Variants in PAQR6 observed in about 807,000 individuals in gnomAD.
PAQR6 encodes the protein progestin and adipoQ receptor family member 6, also known as membrane progestin receptor delta.
PAQR6 carries 34 observed loss-of-function variants against 36.2 expected under a neutral mutation model. The ratio of observed to expected loss-of-function variants is 0.94; its 90% confidence interval spans 0.71 to 1.25. PAQR6 has a LOEUF of 1.25. Among genes scored for constraint, PAQR6 ranks in the 50% most tolerant of loss-of-function variants. The probability of loss-of-function intolerance (pLI) is 0.00; values close to 1 mark genes in which losing one functional copy is unlikely to be tolerated. For synonymous variants in PAQR6, 190 were observed against 190.7 expected, an observed-to-expected ratio of 1.00 and a Z score of 0.03; for missense variants, 431 against 445.7, an observed-to-expected ratio of 0.97 and a Z score of 0.30.
intron 5 of PAQR6, 125 bp downstream of exon 5, chr1:156,245,410 G>A: frequency 6.8e-7 from 1 of 1,460,726 alleles, no homozygotes; most frequent in Admixed American, 1.8e-5. Context: ...GGGGATAAAG[G>A]GTCTGACAGA....
At position 156,245,672 on chromosome 1, in the gene PAQR6, G is replaced by T; in HGVS notation, c.386-11C>A. 1 of 1,611,232 alleles carries T rather than the reference G, an allele frequency of 6.2e-7. No individual in the cohort carries two copies. Reference sequence around the variant, plus strand: ...AGGGGAAGGCGCAGCCTGCGGTGAGGTGGGGGCGTGCAGCTGAGGCCTGAG... The same window carrying T: ...AGGGGAAGGCGCAGCCTGCGGTGAGTTGGGGGCGTGCAGCTGAGGCCTGAG... On this transcript the variant is annotated splice_polypyrimidine_tract_variant and intron_variant, in intron 4 of 7. Transcript: ENST00000292291.
intron 2 of PAQR6, 21 bp downstream of exon 2, chr1:156,246,660 T>A: frequency 6.2e-7 from 1 of 1,612,428 alleles, no homozygotes; most frequent in Non-Finnish European, 8.5e-7. Context: ...GGTTGGTGGG[T>A]CAGTGGGTGG....
chr1:156,245,051 G>A lies in PAQR6; in HGVS notation c.609+91C>T, dbSNP rs1160158432. 86 of 1,601,924 alleles carry A rather than the reference G, an allele frequency of 5.4e-5. No homozygotes were observed. In the East Asian group the frequency reaches 1.5e-3, roughly 29 times the overall value. On this transcript the variant is annotated intron_variant, in intron 6 of 7. Transcript: ENST00000292291. ...CCCCAAGAGAGGCGGCTGGGCTGAG[G>A]CAGGGACTGAGGGGGCAGGGCTGGA...
Position 156,246,179 on chromosome 1 carries a change from G to A in PAQR6, c.123C>T (p.Ser41=). 6.2e-7 allele frequency: 1 copy of A among 1,613,672 alleles called. No homozygotes were observed. The highest frequency in any genetic ancestry group is 8.5e-7 in the Non-Finnish European group (1 of 1,180,044). ...PTSSALDCVL[S]SFQMTNETVN... is the part of the protein sequence containing the mutation. ...CCGTCTCGTTGGTCATCTGGAAGGA[G>A]CTGAGGACACAGTCCAAAGCCGAGC... The change falls in exon 3 of 8, where the codon AGC becomes AGT. Residue 41 remains serine (S), a synonymous_variant. Transcript: ENST00000292291.
In PAQR6 at chr1:156,243,322, T is replaced by A; in HGVS notation, c.*807A>T. On this transcript the variant is annotated 3_prime_UTR_variant, in exon 8 of 8. Coordinates refer to ENST00000292291, the MANE Select transcript of PAQR6 (RefSeq NM_198406.3). ...AAATAAACTCCAGAAGAGGAATCTGTGGGCCTGTGAGTCTGTCCAGTTTAT... is the reference window on the plus strand; with the variant it reads ...AAATAAACTCCAGAAGAGGAATCTGAGGGCCTGTGAGTCTGTCCAGTTTAT... 1 of 1,266,992 alleles carries A rather than the reference T, an allele frequency of 7.9e-7. No homozygotes were observed. The highest frequency in any genetic ancestry group is 2.5e-5 in the East Asian group (1 of 39,998). The allele number at this position is 1,266,992 out of a possible 1,614,324, so 78.5% of individuals were successfully genotyped here.
In PAQR6 at chr1:156,246,707, G is replaced by T; in HGVS notation, c.25C>A (p.Leu9Ile). ...CGGGGGACCTGGTGGACTTGAAGAAGTTGGGGCAGCTTGAGACTGAGCATG... is the reference window on the plus strand; with the variant it reads ...CGGGGGACCTGGTGGACTTGAAGAATTTGGGGCAGCTTGAGACTGAGCATG... MLSLKLPQ[L>I]LQVHQVPRVF... Residue 9 changes from leucine (L) to isoleucine (I), a missense_variant, in exon 2 of 8, where the codon CTT becomes ATT. By Grantham distance (5) the Leu-to-Ile change is conservative (BLOSUM62 2). Coordinates refer to ENST00000292291, the MANE Select transcript of PAQR6 (RefSeq NM_198406.3). 1 of 1,613,960 alleles carries T rather than the reference G, an allele frequency of 6.2e-7. No individual in the cohort carries two copies. Among genetic ancestry groups the T allele is most frequent in the Non-Finnish European group, 8.5e-7 (1 of 1,179,940 alleles).
rs575679158 is a variant in PAQR6 at position 156,245,621 on chromosome 1, G to T, written c.426C>A (p.Ser142=). ...ACTGGTGCAGGTGGCCGTGCAGCCA[G>T]GAGGCCGGCATGGAGTAGGCGGCAT... is the stretch of plus-strand genomic sequence containing the variant. ...FPYAAYSMPA[S]WLHGHLHQFF... Residue 142 remains serine, a synonymous_variant, in exon 5 of 8, where the codon TCC becomes TCA. Coordinates refer to ENST00000292291, the MANE Select transcript of PAQR6 (RefSeq NM_198406.3). 1 of 1,613,330 alleles carries T rather than the reference G, an allele frequency of 6.2e-7. No homozygotes were observed. Among genetic ancestry groups the T allele is most frequent in the Admixed American group, 1.7e-5 (1 of 60,016 alleles).
intron 2 of PAQR6, 61 bp from the exon 3 acceptor site, chr1:156,246,311 G>A: frequency 1.4e-6 from 2 of 1,462,206 alleles, no homozygotes; most frequent in Non-Finnish European, 1.9e-6. Flanking sequence ...CTCCATCTGA[G>A]ATCTCTGGAA....
chr1:156,246,107 C>T lies in PAQR6; in HGVS notation c.179+16G>A, dbSNP rs1420149517. On this transcript the variant is annotated intron_variant, in intron 3 of 7. Transcript: ENST00000292291. ...CTGAGCTCAAGGCCGCGGCCTGGGG[C>T]GGAGCCTCCCCTCACCAGGTGGGCA... 6.2e-7 allele frequency: 1 copy of T among 1,610,158 alleles called. No individual in the cohort carries two copies. The highest frequency in any genetic ancestry group is 1.1e-5 in the South Asian group (1 of 91,054).
In PAQR6 at chr1:156,245,918, C is replaced by CG; in HGVS notation, c.248dup (p.Leu84AlafsTer99). 6.4e-7 allele frequency: 1 copy of CG among 1,562,040 alleles called. No individual in the cohort carries two copies. The highest frequency in any genetic ancestry group is 8.7e-7 in the Non-Finnish European group (1 of 1,155,064). On this transcript the variant is annotated frameshift_variant, in exon 4 of 8. Transcript: ENST00000292291. LOFTEE classifies it high-confidence loss of function. ...AGGCGGGCAGCAGGAAGACCAGCAG[C>CG]GGCCAGTGGTACGGCTCCGCACGGA...
Position 156,244,873 on chromosome 1 carries a change from C to G in PAQR6, c.648G>C (p.Gln216His). The G allele has an allele frequency of 6.2e-7, 1 of 1,613,148 alleles. No individual in the cohort carries two copies. The highest frequency in any genetic ancestry group is 8.5e-7 in the Non-Finnish European group (1 of 1,179,974). ...AGCCATGGCTGGTGCTCAGGGCCTC[C>G]TGCCCACAGCCGTGGCCCCTGCCCC... is the stretch of plus-strand genomic sequence containing the variant. ...LCWGRGHGCG[Q>H]EALSTSHGYH... Residue 216 changes from glutamine to histidine, a missense_variant, in exon 7 of 8, where the codon CAG becomes CAC. Physicochemically the swap from Gln to His is conservative, Grantham distance 24. Transcript: ENST00000292291.
In PAQR6 at chr1:156,243,972, C is replaced by T; in HGVS notation, c.*157G>A. The T allele has an allele frequency of 6.2e-7, 1 of 1,614,238 alleles. No individual in the cohort carries two copies. Among genetic ancestry groups the T allele is most frequent in the Non-Finnish European group, 8.5e-7 (1 of 1,180,034 alleles). On this transcript the variant is annotated 3_prime_UTR_variant, in exon 8 of 8. Transcript: ENST00000292291. Reference sequence around the variant, plus strand: ...ACTCTGCCAGTCCCCCTAGACACCCCTCCTCTTCTCTGCCCTCTCTCCTGT... The same window carrying T: ...ACTCTGCCAGTCCCCCTAGACACCCTTCCTCTTCTCTGCCCTCTCTCCTGT...
chr1:156,244,066 G>A lies in PAQR6; in HGVS notation c.*63C>T. 1 of 1,613,856 alleles carries A rather than the reference G, an allele frequency of 6.2e-7. No individual in the cohort carries two copies. The highest frequency in any genetic ancestry group is 8.5e-7 in the Non-Finnish European group (1 of 1,179,814). On this transcript the variant is annotated 3_prime_UTR_variant, in exon 8 of 8. Coordinates refer to ENST00000292291, the MANE Select transcript of PAQR6 (RefSeq NM_198406.3). ...CCCCACCTGATTAGGCCCAAATCTGGGCTCCTCGTCAGCACTGGGGCCTGG... is the reference window on the plus strand; with the variant it reads ...CCCCACCTGATTAGGCCCAAATCTGAGCTCCTCGTCAGCACTGGGGCCTGG...
At chr1:156,247,708 C>T in intron 1 of PAQR6, 1 of 199,828 alleles carries the variant, frequency 5.0e-6, no homozygotes, top group Non-Finnish European at 1.0e-5. Context: ...CCAGGGTATC[C>T]CTTGCTCGCT....
Position 156,245,978 on chromosome 1 carries a change from C to A in PAQR6, c.189G>T (p.Leu63=). 6.4e-7 allele frequency: 1 copy of A among 1,553,262 alleles called. No individual in the cohort carries two copies. The highest frequency in any genetic ancestry group is 8.7e-7 in the Non-Finnish European group (1 of 1,150,946). Residue 63 remains leucine (L), a synonymous_variant, in exon 4 of 8, where the codon CTG becomes CTT. Transcript: ENST00000292291. ...CGCCCGCCAGCGCCAGGAGCCGCCA[C>A]AGGAAGTACCTGCGGCGGGCGCGTG... ...WTHFLPTWYF[L]WRLLALAGGP...
chr1:156,243,501 C>G lies in PAQR6; in HGVS notation c.*628G>C, dbSNP rs1659636632. The G allele has an allele frequency of 4.2e-6, 2 of 476,036 alleles. No individual in the cohort carries two copies. Among genetic ancestry groups the G allele is most frequent in the South Asian group, 3.2e-5 (1 of 31,096 alleles). The allele number at this position is 476,036 out of a possible 1,614,324, so 29.5% of individuals were successfully genotyped here. On this transcript the variant is annotated 3_prime_UTR_variant, in exon 8 of 8. Coordinates refer to ENST00000292291, the MANE Select transcript of PAQR6 (RefSeq NM_198406.3). ...GCTTCCCAAAGTCTAACTAGGGATA[C>G]CCCCTCTAGCCTAGGACCCTCCTCC... is the stretch of plus-strand genomic sequence containing the variant.
rs746633138 is a variant in PAQR6 at position 156,246,006 on chromosome 1, C to G, written c.180-19G>C. On this transcript the variant is annotated intron_variant, in intron 3 of 7. Transcript: ENST00000292291. The stretch of plus-strand genomic sequence containing the variant: ...GAAGTACCTGCGGCGGGCGCGTGCT[C>G]AGGCCGCCGCGGACCCCCGCGACTG... 1 of 1,564,580 alleles carries G rather than the reference C, an allele frequency of 6.4e-7. No homozygotes were observed. Among genetic ancestry groups the G allele is most frequent in the Non-Finnish European group, 8.6e-7 (1 of 1,158,964 alleles).
At position 156,244,741 on chromosome 1, in the gene PAQR6, C is replaced by T. The variant is rs769620311; in HGVS notation, c.760+20G>A. On this transcript the variant is annotated intron_variant, in intron 7 of 7. Coordinates refer to ENST00000292291, the MANE Select transcript of PAQR6 (RefSeq NM_198406.3). ...CATCTGCCCCTGCCTCTTCCCGGGCCGGGCCAGGCGTGCCCTCACCGATGT... is the reference window on the plus strand; with the variant it reads ...CATCTGCCCCTGCCTCTTCCCGGGCTGGGCCAGGCGTGCCCTCACCGATGT... 13 of 1,613,682 alleles carry T rather than the reference C, an allele frequency of 8.1e-6. No individual in the cohort carries two copies. Among genetic ancestry groups the T allele is most frequent in the African/African-American group, 5.3e-5 (4 of 74,944 alleles).
Position 156,243,875 on chromosome 1 carries a change from C to T in PAQR6, c.*254G>A. On this transcript the variant is annotated 3_prime_UTR_variant, in exon 8 of 8. Coordinates refer to ENST00000292291, the MANE Select transcript of PAQR6 (RefSeq NM_198406.3). ...TAGGGGCATCTTCAGCCTGGACACG[C>T]ATGCATCTCCCCTCTCAGACCCTCA... 6.2e-7 allele frequency: 1 copy of T among 1,602,396 alleles called. No individual in the cohort carries two copies. Among genetic ancestry groups the T allele is most frequent in the South Asian group, 1.1e-5 (1 of 90,240 alleles).
Sources: gnomAD v4.1 joint callset for allele counts on GRCh38, gnomAD v4.1.1 for gene constraint, MANE v1.5 for transcripts, NCBI Gene and HGNC (gene_info 2026-07-23, HGNC 2026-07-21) for gene names.